The following KIT variants were observed in gnomAD, a reference collection of about 807,000 sequenced individuals.
KIT encodes KIT proto-oncogene, receptor tyrosine kinase, also known as mast/stem cell growth factor receptor Kit.
A neutral mutation model predicts 105.7 loss-of-function variants in KIT; 16 were observed. The observed-to-expected ratio is 0.15, with a 90% CI of 0.10 to 0.23. The LOEUF is 0.23. KIT is among the 10% of genes least tolerant of loss of function. The probability of loss-of-function intolerance (pLI) is 1.00; values close to 1 mark genes in which losing one functional copy is unlikely to be tolerated. For missense variants in KIT, 858 were observed against 1,213.8 expected (o/e 0.71, Z 4.36); for synonymous variants, 438 against 441.1 (o/e 0.99, Z 0.09).
chr4:54,734,212 G>A (rs75698449), intron 17 of KIT, among the ~76,000 whole-genome samples: 17,073 of 152,200 alleles, frequency 0.11, 1,049 homozygotes, highest in South Asian at 0.19. Flanking sequence ...CCAGTCCTCT[G>A]AATATTGACC....
chr4:54,685,965 A>C (rs575456041), intron 1 of KIT, among the ~76,000 whole-genome samples: 22 of 152,292 alleles, frequency 1.4e-4, no homozygotes, highest in East Asian at 5.8e-4. Flanking sequence ...ATTGTATGGT[A>C]ATTATGTGAG....
At chr4:54,738,347 G>A (rs1434123210) in intron 20 of KIT, 82 bp from the exon 21 acceptor site, 1 of 1,524,804 alleles carries the variant, frequency 6.6e-7, no homozygotes, top group Non-Finnish European at 9.1e-7. Flanking sequence ...AGTTAGTTGT[G>A]ATCTTGACAC....
At chr4:54,669,219 C>CTG (rs1183735773) in intron 1 of KIT, among the ~76,000 whole-genome samples, 4 of 151,998 alleles carry the variant, frequency 2.6e-5, no homozygotes, top group African/African-American at 7.3e-5. Context: ...GGACCCCCCC[C>CTG]CCTTGCTTTT....
intron 1 of KIT, among the ~76,000 whole-genome samples, chr4:54,690,035 T>A (rs1446288910): frequency 6.9e-6 from 1 of 145,300 alleles, no homozygotes. Context: ...GTGTGGCATG[T>A]ATAGAATGTT....
At position 54,707,278 on chromosome 4, in the gene KIT, G is replaced by C. The variant is rs746884875; in HGVS notation, c.1106G>C (p.Ser369Thr). 2 of 1,606,736 alleles carry C rather than the reference G, an allele frequency of 1.2e-6. No homozygotes were observed. The highest frequency in any genetic ancestry group is 1.7e-6 in the Non-Finnish European group (2 of 1,173,354). Reference sequence around the variant, plus strand: ...GATTATCCCAAGTCTGAGAATGAAAGTAATATCAGGTAAGAAATGGACCTT... The same window carrying C: ...GATTATCCCAAGTCTGAGAATGAAACTAATATCAGGTAAGAAATGGACCTT... The part of the protein sequence containing the change: ...WEDYPKSENE[S>T]NIRYVSELHL... Residue 369 changes from serine (S) to threonine (T), a missense_variant, in exon 6 of 21, where the codon AGT becomes ACT. Coordinates refer to ENST00000288135, the MANE Select transcript of KIT (RefSeq NM_000222.3).
rs760685128 is a variant in KIT at position 54,729,343 on chromosome 4, C to T, written c.1999C>T (p.Leu667=). Residue 667 remains leucine, a synonymous_variant, in exon 14 of 21, where the codon CTG becomes TTG. Coordinates refer to ENST00000288135, the MANE Select transcript of KIT (RefSeq NM_000222.3). ...TTCTTATGTGCTTTTAGGGCCCACC[C>T]TGGTCATTACAGAATATTGTTGCTA... The part of the protein sequence containing the change: ...LGACTIGGPT[L]VITEYCCYGD... 6 of 1,613,532 alleles carry T rather than the reference C, an allele frequency of 3.7e-6. No homozygotes were observed. Among genetic ancestry groups the T allele is most frequent in the Non-Finnish European group, 4.2e-6 (5 of 1,179,658 alleles).
chr4:54,687,770 C>T lies in KIT; in HGVS notation c.68-7742C>T, dbSNP rs1237136504. On this transcript the variant is annotated intron_variant, in intron 1 of 20. Coordinates refer to ENST00000288135, the MANE Select transcript of KIT (RefSeq NM_000222.3). ...TTGAATACACATAGAAACACATACA[C>T]GTGCAAACACATATACAAAGTCTTC... 1.2e-4 allele frequency among the ~76,000 whole-genome samples: 19 copies of T among 152,120 alleles called. 1 individual carries two copies. Among genetic ancestry groups the T allele is most frequent in the Admixed American group, 1.1e-3 (17 of 15,266 alleles).
At chr4:54,713,105 T>C (rs1369697273) in intron 7 of KIT, among the ~76,000 whole-genome samples, 1 of 152,110 alleles carries the variant, frequency 6.6e-6, no homozygotes, top group Non-Finnish European at 1.5e-5. Flanking sequence ...TATTATGTGG[T>C]AGTATTTTTA....
At chr4:54,724,790 T>C (rs1401814453) in intron 8 of KIT, among the ~76,000 whole-genome samples, 1 of 151,950 alleles carries the variant, frequency 6.6e-6, no homozygotes, top group African/African-American at 2.4e-5. Context: ...AATCTCATAA[T>C]GTTTTAAGCT....
At chr4:54,708,063 G>A (rs1329566053) in intron 6 of KIT, among the ~76,000 whole-genome samples, 2 of 152,166 alleles carry the variant, frequency 1.3e-5, no homozygotes, top group African/African-American at 4.8e-5. Flanking sequence ...AGGTTGGAGG[G>A]AAGAGGATAA....
intron 2 of KIT, among the ~76,000 whole-genome samples, chr4:54,696,685 G>A (rs1384140722): frequency 3.3e-5 from 5 of 152,316 alleles, no homozygotes; most frequent in South Asian, 2.1e-4. Context: ...TCTTCCTTAC[G>A]TAATTGTTAG....
At chr4:54,686,219 T>TA (rs201077047) in intron 1 of KIT, among the ~76,000 whole-genome samples, 7,851 of 147,158 alleles carry the variant, frequency 0.053, 272 homozygotes, top group African/African-American at 0.089. Flanking sequence ...AGGAGCTACT[T>TA]AAAAAAAAAA....
At chr4:54,715,427 T>G (rs949571884) in intron 7 of KIT, among the ~76,000 whole-genome samples, 3 of 151,542 alleles carry the variant, frequency 2.0e-5, no homozygotes, top group Non-Finnish European at 2.9e-5. Context: ...GAGATTTATT[T>G]GGCTCACATT....
intron 14 of KIT, among the ~76,000 whole-genome samples, chr4:54,729,713 C>T (rs995242060): frequency 6.6e-6 from 1 of 152,118 alleles, no homozygotes; most frequent in African/African-American, 2.4e-5. Flanking sequence ...TTTCAGTTTT[C>T]TTCTACACTT....
chr4:54,727,424 G>A lies in KIT; in HGVS notation c.1656G>A (p.Met552Ile), dbSNP rs1482011071. 1.9e-6 allele frequency: 3 copies of A among 1,614,032 alleles called. No homozygotes were observed. In the African/African-American group the frequency reaches 4.0e-5, roughly 22 times the overall value. The change falls in exon 11 of 21, where the codon ATG (methionine) becomes ATA (isoleucine). Residue 552 changes from methionine (M) to isoleucine (I), a missense_variant. By Grantham distance (10) the Met-to-Ile change is conservative. Around this residue, in one of 7 missense-constraint regions of KIT, gnomAD observed 78 missense variants for 77.6 expected, o/e 1.01. Transcript: ENST00000288135. ...TCCCTTTCTCCCCACAGAAACCCAT[G>A]TATGAAGTACAGTGGAAGGTTGTTG... is the stretch of plus-strand genomic sequence containing the variant. ...ILTYKYLQKP[M>I]YEVQWKVVEE...
intron 1 of KIT, among the ~76,000 whole-genome samples, chr4:54,664,919 A>C (rs1282925809): frequency 6.6e-6 from 1 of 151,472 alleles, no homozygotes; most frequent in African/African-American, 2.4e-5. Flanking sequence ...TAAAACATAC[A>C]TAAAATGAAA....
chr4:54,729,616 C>A, intron 14 of KIT, 131 bp downstream of exon 14: 1 of 847,914 alleles, frequency 1.2e-6, no homozygotes, highest in Non-Finnish European at 1.9e-6. Flanking sequence ...ATTATTAAAT[C>A]ATTTAAATGT....
At chr4:54,666,742 G>A (rs577134897) in intron 1 of KIT, among the ~76,000 whole-genome samples, 2 of 152,230 alleles carry the variant, frequency 1.3e-5, no homozygotes, top group African/African-American at 4.8e-5. Flanking sequence ...TTAAGGGCCT[G>A]CCTGAAATCG....
At position 54,699,625 on chromosome 4, in the gene KIT, T is replaced by A; in HGVS notation, c.620-5T>A. ...TTTGAGGGGCCACATTTCTTTTCAT[T>A]CTAGCCTTCAAAGCTGTGCCTGTTG... On this transcript the variant is annotated splice_region_variant and splice_polypyrimidine_tract_variant and intron_variant, in intron 3 of 20. Transcript: ENST00000288135. The A allele has an allele frequency of 6.2e-7, 1 of 1,613,946 alleles. No individual in the cohort carries two copies. Among genetic ancestry groups the A allele is most frequent in the Non-Finnish European group, 8.5e-7 (1 of 1,179,858 alleles).
Sources: allele counts gnomAD v4.1 joint callset (sites outside exome capture counted in the v4.1 genomes callset), GRCh38; gene constraint gnomAD v4.1.1; regional missense constraint gnomAD v4.1.1; transcripts MANE v1.5; gene names NCBI Gene and HGNC (gene_info 2026-07-23, HGNC 2026-07-21).